The following NFATC1 variants were observed in gnomAD, a reference collection of about 807,000 sequenced individuals.
NFATC1 encodes the protein nuclear factor of activated T cells 1, also known as nuclear factor of activated T-cells, cytoplasmic 1.
Under a neutral mutation model 76.0 loss-of-function variants are expected in NFATC1, and 22 were observed. That is an observed-to-expected ratio of 0.29 (90% confidence interval 0.21 to 0.41). The LOEUF is 0.41. Among genes scored for constraint, NFATC1 ranks in the 10% least tolerant of loss-of-function variants. The pLI, the probability that NFATC1 is intolerant of heterozygous loss-of-function variation, is 1.00. For synonymous variants in NFATC1, 704 were observed against 613.1 expected (o/e 1.15, Z -2.19); for missense variants, 1,357 against 1,337.7 (o/e 1.01, Z -0.23).
intron 3 of NFATC1, among the ~76,000 whole-genome samples, chr18:79,439,075 G>A (rs1429374285): frequency 1.3e-5 from 2 of 152,174 alleles, no homozygotes; most frequent in Non-Finnish European, 2.9e-5. Flanking sequence ...GGAGTGTTCA[G>A]TACCGTGAGG....
chr18:79,438,442 T>C (rs1000162663), intron 3 of NFATC1, among the ~76,000 whole-genome samples: 1 of 152,118 alleles, frequency 6.6e-6, no homozygotes, highest in Non-Finnish European at 1.5e-5. Flanking sequence ...CTGTGGGATA[T>C]AGCCTGACCT....
At chr18:79,406,576 C>T (rs983693266) in intron 1 of NFATC1, among the ~76,000 whole-genome samples, 2 of 152,240 alleles carry the variant, frequency 1.3e-5, no homozygotes, top group African/African-American at 4.8e-5. Flanking sequence ...GGCTTCTAGA[C>T]AAATAAGCGG....
intron 8 of NFATC1, 140 bp from the exon 9 acceptor site, chr18:79,486,108 G>A (rs533355243): frequency 2.8e-6 from 2 of 716,578 alleles, no homozygotes; most frequent in East Asian, 5.0e-5. Flanking sequence ...TTTTTTTAAT[G>A]GGGTGGGAGA....
At chr18:79,424,377 G>T (rs922756717) in intron 2 of NFATC1, among the ~76,000 whole-genome samples, 1 of 152,240 alleles carries the variant, frequency 6.6e-6, no homozygotes, top group African/African-American at 2.4e-5. Context: ...GCCTCTGACC[G>T]CTGGCCACTG....
rs895096364 is a variant in NFATC1, at chr18:79,511,563, G to A, written c.2783-15965G>A. ...GGCGGCCGTGGAGGGAAGCCTCGCC[G>A]TGCCCAGGATGTACGTAGCCTGAGC... On this transcript the variant is annotated intron_variant, in intron 9 of 9. Coordinates refer to ENST00000427363, the MANE Select transcript of NFATC1 (RefSeq NM_001278669.2). 2.6e-5 allele frequency among the ~76,000 whole-genome samples: 4 copies of A among 152,244 alleles called. No individual in the cohort carries two copies. The South Asian group carries it at 6.2e-4, about 24-fold the overall frequency.
intron 1 of NFATC1, among the ~76,000 whole-genome samples, chr18:79,398,635 C>CTCCA (rs1262120585): frequency 1.3e-5 from 2 of 152,216 alleles, no homozygotes; most frequent in African/African-American, 4.8e-5. Flanking sequence ...AGCAGTGAGC[C>CTCCA]TCCATCCCTG....
At chr18:79,520,138 A>G (rs1232151103) in intron 9 of NFATC1, among the ~76,000 whole-genome samples, 2 of 151,724 alleles carry the variant, frequency 1.3e-5, no homozygotes, top group Admixed American at 1.3e-4. Flanking sequence ...TGCAGGGGGA[A>G]ACTTGACGGA....
At chr18:79,494,024 C>G (rs1205769827) in intron 9 of NFATC1, among the ~76,000 whole-genome samples, 2 of 152,196 alleles carry the variant, frequency 1.3e-5, no homozygotes, top group East Asian at 1.9e-4. Flanking sequence ...CCTCAGGGAG[C>G]CCACCCTGTG....
intron 1 of NFATC1, 94 bp downstream of exon 1, chr18:79,396,445 G>C (rs1186601482): frequency 3.5e-6 from 3 of 865,930 alleles, no homozygotes; most frequent in Admixed American, 5.1e-5. Flanking sequence ...GCACGGAGGG[G>C]TCCGGGCCAG....
At chr18:79,483,174 C>G (rs1471244434) in intron 8 of NFATC1, among the ~76,000 whole-genome samples, 3 of 97,742 alleles carry the variant, frequency 3.1e-5, no homozygotes, top group Admixed American at 1.1e-4. Context: ...GACCTGGTTC[C>G]TGGGGTGTAA....
chr18:79,516,264 C>T (rs952821993), intron 9 of NFATC1, among the ~76,000 whole-genome samples: 7 of 152,174 alleles, frequency 4.6e-5, no homozygotes, highest in Admixed American at 4.6e-4. Flanking sequence ...CCTCCGTTGT[C>T]CCGTCCTCTC....
intron 3 of NFATC1, among the ~76,000 whole-genome samples, chr18:79,437,185 G>T (rs1011262056): frequency 6.6e-6 from 1 of 152,216 alleles, no homozygotes; most frequent in African/African-American, 2.4e-5. Context: ...GCAGGGTGGG[G>T]CCTGCGGGTA....
chr18:79,473,567 TCTCGCG>T (rs1387399778), intron 8 of NFATC1, among the ~76,000 whole-genome samples: 9 of 148,164 alleles, frequency 6.1e-5, no homozygotes, highest in East Asian at 2.0e-4. Context: ...GGAAGCGTGT[TCTCGCG>T]CTCACTGTCG....
intron 9 of NFATC1, among the ~76,000 whole-genome samples, chr18:79,488,616 T>G (rs2089592377): frequency 6.6e-6 from 1 of 152,152 alleles, no homozygotes; most frequent in South Asian, 2.1e-4. Context: ...CAGCCGGAGC[T>G]CCGCATGGGG....
intron 9 of NFATC1, among the ~76,000 whole-genome samples, chr18:79,518,924 T>C (rs2090448567): frequency 6.6e-6 from 1 of 152,254 alleles, no homozygotes; most frequent in South Asian, 2.1e-4. Flanking sequence ...TGTTTCTCCG[T>C]GTGAGATGCT....
At chr18:79,515,287 A>T (rs1200883843) in intron 9 of NFATC1, among the ~76,000 whole-genome samples, 5 of 150,288 alleles carry the variant, frequency 3.3e-5, no homozygotes, top group Admixed American at 2.7e-4. Flanking sequence ...TGCAGTGAGC[A>T]GAGATCGCGC....
At chr18:79,505,563 A>G (rs1220234569) in intron 9 of NFATC1, among the ~76,000 whole-genome samples, 6 of 95,988 alleles carry the variant, frequency 6.3e-5, no homozygotes, top group Non-Finnish European at 2.1e-5. Context: ...GAGGCAGGAG[A>G]CTGCTGTGTG....
chr18:79,400,484 G>A, intron 1 of NFATC1: 1 of 1,477,866 alleles, frequency 6.8e-7, no homozygotes, highest in East Asian at 3.0e-5. Flanking sequence ...CCCCAGGTGG[G>A]TCAGTCCCGG....
intron 9 of NFATC1, among the ~76,000 whole-genome samples, chr18:79,501,251 G>A (rs1569035983): frequency 6.6e-6 from 1 of 152,056 alleles, no homozygotes; most frequent in South Asian, 2.1e-4. Flanking sequence ...ATAAATGCAA[G>A]AAAAAAAGCA....
Sources: allele counts gnomAD v4.1 joint callset (sites outside exome capture counted in the v4.1 genomes callset), GRCh38; gene constraint gnomAD v4.1.1; transcripts MANE v1.5; gene names NCBI Gene and HGNC (gene_info 2026-07-23, HGNC 2026-07-21).